Variants in ADARB2 observed in about 807,000 individuals in gnomAD.
ADARB2 encodes the protein adenosine deaminase RNA specific B2 (inactive).
A neutral mutation model predicts 62.2 loss-of-function variants in ADARB2; 25 were observed. That is an observed-to-expected ratio of 0.40 (90% CI 0.29 to 0.56). The LOEUF is 0.56. Among genes scored for constraint, ADARB2 ranks in the 20% least tolerant of loss-of-function variants. The pLI is 0.43. For missense variants in ADARB2, 1,071 were observed against 1,077.4 expected, an observed-to-expected ratio of 0.99 and a Z score of 0.08; for synonymous variants, 572 against 500.8, an observed-to-expected ratio of 1.14 and a Z score of -1.90.
intron 1 of ADARB2, among the ~76,000 whole-genome samples, chr10:1,734,171 A>G (rs1835270584): frequency 6.6e-6 from 1 of 152,188 alleles, no homozygotes; most frequent in African/African-American, 2.4e-5. Context: ...GGTCCCAGTA[A>G]AATAACAGAA....
At chr10:1,251,837 G>T (rs79850006) in intron 4 of ADARB2, among the ~76,000 whole-genome samples, 3,824 of 152,180 alleles carry the variant, frequency 0.025, 68 homozygotes, top group African/African-American at 0.042. Context: ...CATCCCATCT[G>T]CCATGTGAGG....
intron 1 of ADARB2, among the ~76,000 whole-genome samples, chr10:1,533,419 CCACCTTTTAATCACGACCAAACAT>C (rs1428416124): frequency 6.6e-6 from 1 of 151,176 alleles, no homozygotes; most frequent in African/African-American, 2.4e-5. Flanking sequence ...TGAGCCACTA[CCACCTTTTAATCACGACCAAACAT>C]CACCTTTTAA....
chr10:1,489,125 A>G (rs1831588987), intron 1 of ADARB2, among the ~76,000 whole-genome samples: 1 of 152,230 alleles, frequency 6.6e-6, no homozygotes, highest in African/African-American at 2.4e-5. Flanking sequence ...ATGTCTCTCA[A>G]TTTGCTCATT....
At chr10:1,264,406 T>C (rs1333988022) in intron 4 of ADARB2, among the ~76,000 whole-genome samples, 1 of 152,228 alleles carries the variant, frequency 6.6e-6, no homozygotes, top group Non-Finnish European at 1.5e-5. Context: ...TAGGTCCTTG[T>C]GAAGATGAAC....
intron 6 of ADARB2, among the ~76,000 whole-genome samples, chr10:1,224,954 T>C (rs1005271702): frequency 6.6e-6 from 1 of 152,172 alleles, no homozygotes; most frequent in African/African-American, 2.4e-5. Context: ...GAGCTGAGTT[T>C]AATTCCTGGG....
chr10:1,488,606 T>C (rs980469940), intron 1 of ADARB2, among the ~76,000 whole-genome samples: 2 of 152,180 alleles, frequency 1.3e-5, no homozygotes, highest in Non-Finnish European at 1.5e-5. Context: ...CAATGAGCCC[T>C]GCACCCCATG....
rs560034035 is a variant in ADARB2 at position 1,659,015 on chromosome 10, C to T, written c.100+78036G>A. ...CAAGTTGTGGTTAACATAAGCACTA[C>T]GGAGAGTATGACATGTCAAATTAGC... On this transcript the variant is annotated intron_variant, in intron 1 of 9. Transcript: ENST00000381312. Among the ~76,000 whole-genome samples, 29 of 152,218 alleles carry T rather than the reference C, an allele frequency of 1.9e-4. No homozygotes were observed. The South Asian group carries it at 5.6e-3, about 29-fold the overall frequency.
chr10:1,216,830 G>T, intron 7 of ADARB2, 121 bp downstream of exon 7: 12 of 1,304,540 alleles, frequency 9.2e-6, no homozygotes, highest in Non-Finnish European at 9.4e-6. Context: ...TCAGGCACAG[G>T]GCCCTGACCG....
chr10:1,486,196 ATGTGTGTGGACGCCTG>A (rs1448742901), intron 1 of ADARB2, among the ~76,000 whole-genome samples: 184 of 140,668 alleles, frequency 1.3e-3, no homozygotes, highest in Middle Eastern at 3.5e-3. Context: ...GTGCATGTGT[ATGTGTGTGGACGCCTG>A]TGTGTGTGTG....
chr10:1,534,731 A>G, intron 1 of ADARB2: 1 of 165,694 alleles, frequency 6.0e-6, no homozygotes. Flanking sequence ...AAGTGGCTGG[A>G]GAGGTGTCCA....
At chr10:1,216,429 G>A (rs1830622546) in intron 7 of ADARB2, 1 of 155,980 alleles carries the variant, frequency 6.4e-6, no homozygotes, top group Admixed American at 6.0e-5. Context: ...GCTCAGCCGA[G>A]GCCTCTCATC....
At chr10:1,613,147 C>T (rs920181698) in intron 1 of ADARB2, among the ~76,000 whole-genome samples, 4 of 152,186 alleles carry the variant, frequency 2.6e-5, no homozygotes, top group African/African-American at 7.2e-5. Context: ...GTTACCCTAA[C>T]GTCTCCAGAG....
chr10:1,621,294 A>C (rs1290365966), intron 1 of ADARB2, among the ~76,000 whole-genome samples: 1 of 152,370 alleles, frequency 6.6e-6, no homozygotes, highest in South Asian at 2.1e-4. Flanking sequence ...ATTAGTATAA[A>C]CATATCAATC....
At chr10:1,403,935 A>G (rs1485160428) in intron 1 of ADARB2, among the ~76,000 whole-genome samples, 2 of 152,130 alleles carry the variant, frequency 1.3e-5, no homozygotes, top group Non-Finnish European at 2.9e-5. Flanking sequence ...TCTGCAGGGC[A>G]CTGTCCTGTG....
intron 1 of ADARB2, among the ~76,000 whole-genome samples, chr10:1,720,461 A>G (rs1280737961): frequency 6.6e-6 from 1 of 152,206 alleles, no homozygotes; most frequent in African/African-American, 2.4e-5. Flanking sequence ...AACCTCAGCG[A>G]CACCCAATTT....
At chr10:1,563,775 C>T (rs1832820450) in intron 1 of ADARB2, among the ~76,000 whole-genome samples, 1 of 109,920 alleles carries the variant, frequency 9.1e-6, no homozygotes, top group Non-Finnish European at 1.8e-5. Flanking sequence ...TGCTATCCCT[C>T]CCCCCTCCCC....
Position 1,183,127 on chromosome 10 carries a change from C to T in ADARB2, c.*66G>A, listed in dbSNP as rs1302429794. 24 of 1,549,072 alleles carry T rather than the reference C, an allele frequency of 1.5e-5. No individual in the cohort carries two copies. The highest frequency in any genetic ancestry group is 7.6e-5 in the Admixed American group (4 of 52,374). On this transcript the variant is annotated 3_prime_UTR_variant, in exon 10 of 10. Transcript: ENST00000381312. Reference sequence around the variant, plus strand: ...CAGGGAACCGGCCGACCCGCCACGTCGCCCCCCAGACACGGTCCCATCCCT... The same window carrying T: ...CAGGGAACCGGCCGACCCGCCACGTTGCCCCCCAGACACGGTCCCATCCCT...
At chr10:1,366,183 T>C (rs1001650524) in intron 2 of ADARB2, among the ~76,000 whole-genome samples, 1 of 152,258 alleles carries the variant, frequency 6.6e-6, no homozygotes, top group Admixed American at 6.5e-5. Context: ...ACTTCACGTG[T>C]GACTTCAGTG....
At chr10:1,526,679 T>A in intron 1 of ADARB2, 1 of 259,484 alleles carries the variant, frequency 3.9e-6, no homozygotes, top group East Asian at 1.4e-4. Context: ...CTGTACAGCC[T>A]GCAGAGCCAT....
Sources: gnomAD v4.1 joint callset for allele counts (sites outside exome capture counted in the v4.1 genomes callset) on GRCh38, gnomAD v4.1.1 for gene constraint, MANE v1.5 for transcripts, NCBI Gene and HGNC (gene_info 2026-07-23, HGNC 2026-07-21) for gene names.